Variants in IFT140 observed in about 807,000 individuals in gnomAD.
IFT140 encodes the protein intraflagellar transport protein 140 homolog.
A neutral mutation model predicts 164.6 loss-of-function variants in IFT140; 133 were observed. The ratio of observed to expected loss-of-function variants is 0.81; its 90% CI spans 0.70 to 0.93. The LOEUF is 0.93. Among genes scored for constraint, IFT140 ranks in the 40% least tolerant of loss-of-function variants. The pLI is 0.00. For synonymous variants in IFT140, 860 were observed against 817.3 expected (o/e 1.05, Z -0.89); for missense variants, 2,045 against 1,972.3 (o/e 1.04, Z -0.70).
At chr16:1,572,106 C>A (rs1375462142) in intron 13 of IFT140, among the ~76,000 whole-genome samples, 3 of 152,068 alleles carry the variant, frequency 2.0e-5, no homozygotes, top group African/African-American at 7.2e-5. Context: ...CGCTTAGGCA[C>A]GACGCACCCA....
rs1024689332 is a variant in IFT140, at chr16:1,564,621, G to A, written c.1902-459C>T. ...GACCCAGGTCCCTCCCATCTCTAAA[G>A]TTCTATGTTGGATGGGTCCAGAACT... On this transcript the variant is annotated intron_variant, in intron 16 of 30. Transcript: ENST00000426508. The surrounding 1 kb of genome is among the most constrained non-coding windows in gnomAD (Gnocchi z 5.5). Among the ~76,000 whole-genome samples the A allele has an allele frequency of 4.6e-5, 7 of 152,272 alleles. No individual in the cohort carries two copies. Among genetic ancestry groups the A allele is most frequent in the African/African-American group, 1.2e-4 (5 of 41,558 alleles).
chr16:1,577,630 G>C (rs948081633), intron 13 of IFT140: 1 of 152,184 alleles, frequency 6.6e-6, no homozygotes, highest in Admixed American at 6.6e-5. Context: ...GAGGCAGGTG[G>C]ATCACCTGAG....
rs752991075 is a variant in IFT140 at position 1,527,233 on chromosome 16, C to G, written c.2400-437G>C. On this transcript the variant is annotated intron_variant, in intron 19 of 30. Transcript: ENST00000426508. ...GCCCTGCACAGCAGGGACCCTCACC[C>G]GACAGTCTGGCAGCCAAAGGGTGGA... Among the ~76,000 whole-genome samples the G allele has an allele frequency of 2.6e-5, 4 of 152,216 alleles. No homozygotes were observed. The South Asian group carries it at 6.2e-4, about 24-fold the overall frequency.
chr16:1,563,047 A>T lies in IFT140; in HGVS notation c.2068-931T>A, dbSNP rs543609711. Among the ~76,000 whole-genome samples, 424 of 152,132 alleles carry T rather than the reference A, an allele frequency of 2.8e-3. 2 individuals carry two copies. The highest frequency in any genetic ancestry group is 4.4e-3 in the Non-Finnish European group (297 of 67,996). On this transcript the variant is annotated intron_variant, in intron 17 of 30. Coordinates refer to ENST00000426508, the MANE Select transcript of IFT140 (RefSeq NM_014714.4). ...CACAGAGCAGACAAAGAGCCCTAGG[A>T]TCAAACTGCCAGGAGACGGCCCTAC...
At chr16:1,592,108 G>A (rs969808525) in intron 6 of IFT140, 68 bp downstream of exon 6, 291 of 1,556,058 alleles carry the variant, frequency 1.9e-4, no homozygotes, top group Non-Finnish European at 2.4e-4. Flanking sequence ...CCATCTGTGA[G>A]TTTAAAATCC....
At chr16:1,517,675 A>G in intron 30 of IFT140, among the ~76,000 whole-genome samples, 1 of 152,126 alleles carries the variant, frequency 6.6e-6, no homozygotes, top group South Asian at 2.1e-4. Flanking sequence ...AAAATGGAAC[A>G]CCATTTTCTT....
intron 30 of IFT140, among the ~76,000 whole-genome samples, chr16:1,514,827 C>T (rs945528440): frequency 3.9e-5 from 6 of 152,028 alleles, no homozygotes; most frequent in African/African-American, 1.4e-4. Context: ...GAACCGGTAG[C>T]TAAGATTTTA....
In IFT140 at chr16:1,588,046, C is replaced by G. The variant is rs995728140; in HGVS notation, c.811-22G>C. 3.1e-6 allele frequency: 5 copies of G among 1,608,956 alleles called. No homozygotes were observed. In the African/African-American group the frequency reaches 5.3e-5, roughly 17 times the overall value. On this transcript the variant is annotated intron_variant, in intron 7 of 30. Coordinates refer to ENST00000426508, the MANE Select transcript of IFT140 (RefSeq NM_014714.4). ...TGACCTGTGTGAGGAAACAACCGAGCAGAGGCACCGTGCTTGCTGAGACGG... is the reference window on the plus strand; with the variant it reads ...TGACCTGTGTGAGGAAACAACCGAGGAGAGGCACCGTGCTTGCTGAGACGG...
Position 1,523,917 on chromosome 16 carries a change from G to C in IFT140, c.3181C>G (p.Leu1061Val), listed in dbSNP as rs1739558175. The change falls in exon 25 of 31, where the codon CTG becomes GTG. Residue 1061 changes from leucine (L) to valine (V), a missense_variant. Leu to Val is a conservative substitution (Grantham distance 32). Transcript: ENST00000426508. ...LDDQLMNLAL[L>V]SSPEDMIEAA... ...TCGATCATGTCCTCGGGGGAGCTCA[G>C]CAGGGCCAAGTTCATGAGCTGGTCG... 1.2e-6 allele frequency: 2 copies of C among 1,613,310 alleles called. No homozygotes were observed. The highest frequency in any genetic ancestry group is 1.7e-6 in the Non-Finnish European group (2 of 1,180,016).
At chr16:1,595,713 T>C (rs987635726) in intron 4 of IFT140, among the ~76,000 whole-genome samples, 1 of 152,088 alleles carries the variant, frequency 6.6e-6, no homozygotes. Flanking sequence ...TAGTGTATAT[T>C]ATCATATGAT....
chr16:1,590,216 A>T (rs955316830), intron 6 of IFT140, among the ~76,000 whole-genome samples: 22 of 151,682 alleles, frequency 1.5e-4, no homozygotes, highest in Middle Eastern at 3.4e-3. Flanking sequence ...AAAAAAAAAA[A>T]AAAAAATTAA....
chr16:1,537,109 G>A (rs769247475), intron 19 of IFT140, among the ~76,000 whole-genome samples: 2 of 152,220 alleles, frequency 1.3e-5, no homozygotes, highest in Non-Finnish European at 1.5e-5. Context: ...GGCTGCGACC[G>A]TCTGTGCTGT....
intron 19 of IFT140, among the ~76,000 whole-genome samples, chr16:1,538,127 A>G (rs966226477): frequency 4.2e-4 from 64 of 152,272 alleles, no homozygotes; most frequent in Non-Finnish European, 6.3e-4. Flanking sequence ...GGCAGGCGGG[A>G]GCGTGGCTCA....
rs13338583 is a variant in IFT140 at position 1,550,251 on chromosome 16, A to G, written c.2399+7684T>C. The stretch of plus-strand genomic sequence containing the variant: ...CACCGCCCCAGCCCCTTCGTCTTCT[A>G]TATTTAGAAACAGTGTTCTTGGAAG... On this transcript the variant is annotated intron_variant, in intron 19 of 30. Transcript: ENST00000426508. Among the ~76,000 whole-genome samples, 159 of 152,266 alleles carry G rather than the reference A, an allele frequency of 1.0e-3. 2 individuals carry two copies. The highest frequency in any genetic ancestry group is 3.4e-3 in the African/African-American group (140 of 41,546).
chr16:1,565,273 G>C lies in IFT140; in HGVS notation c.1901+888C>G, dbSNP rs544734889. 1.8e-4 allele frequency among the ~76,000 whole-genome samples: 27 copies of C among 152,304 alleles called. No individual in the cohort carries two copies. In the South Asian group the frequency reaches 5.4e-3, roughly 30 times the overall value. On this transcript the variant is annotated intron_variant, in intron 16 of 30. Transcript: ENST00000426508. Reference sequence around the variant, plus strand: ...AACAGTGGCAGCAGGGGGAGAGCTGGCACTTGGCCAAGTCAGGCATCATTG... The same window carrying C: ...AACAGTGGCAGCAGGGGGAGAGCTGCCACTTGGCCAAGTCAGGCATCATTG...
At chr16:1,536,565 G>A (rs1018198400) in intron 19 of IFT140, among the ~76,000 whole-genome samples, 4 of 152,190 alleles carry the variant, frequency 2.6e-5, no homozygotes, top group Non-Finnish European at 4.4e-5. Context: ...TTGTAAACGG[G>A]ACTCAGCTCA....
At chr16:1,604,120 G>A (rs1167468246) in intron 3 of IFT140, among the ~76,000 whole-genome samples, 1 of 152,196 alleles carries the variant, frequency 6.6e-6, no homozygotes, top group African/African-American at 2.4e-5. Context: ...TCCTGCAAGG[G>A]AGAATCTACC....
rs550511676 is a variant in IFT140 at position 1,523,769 on chromosome 16, G to A, written c.3270+59C>T. The A allele has an allele frequency of 1.2e-4, 199 of 1,607,426 alleles. No homozygotes were observed. The African/African-American group carries it at 2.4e-3, about 19-fold the overall frequency. On this transcript the variant is annotated intron_variant, in intron 25 of 30. Coordinates refer to ENST00000426508, the MANE Select transcript of IFT140 (RefSeq NM_014714.4). ...GCCCGAGCACGGAGGCCTCGCACAG[G>A]CAAGGGCCCCCTGGCTTGCTGCCCC...
At chr16:1,600,462 TTA>T (rs137922934) in intron 4 of IFT140, among the ~76,000 whole-genome samples, 11,732 of 111,506 alleles carry the variant, frequency 0.11, 673 homozygotes, top group Admixed American at 0.22. Context: ...AAAAATAAAT[TTA>T]AAAAAAAAAA....
Sources: gnomAD v4.1 joint callset for allele counts (sites outside exome capture counted in the v4.1 genomes callset) on GRCh38, gnomAD v4.1.1 for gene constraint, Gnocchi (gnomAD v3.1) non-coding constraint, MANE v1.5 for transcripts, NCBI Gene and HGNC (gene_info 2026-07-23, HGNC 2026-07-21) for gene names.